The following AGAP1 variants were observed in gnomAD, a reference collection of about 807,000 sequenced individuals.
AGAP1 encodes ArfGAP with GTPase domain, ankyrin repeat and PH domain 1.
In AGAP1, 29 loss-of-function variants were observed where a neutral mutation model predicts 105.3. The ratio of observed to expected loss-of-function variants is 0.28; its 90% CI spans 0.21 to 0.38. The LOEUF is 0.38. Ranked by LOEUF, AGAP1 falls within the 10% of genes least tolerant of loss-of-function variation. AGAP1 has a pLI of 1.00. For missense variants in AGAP1, 998 were observed against 1,165.1 expected (o/e 0.86, Z 2.09); for synonymous variants, 509 against 485.9 (o/e 1.05, Z -0.63).
chr2:236,077,177 G>T (rs553296457), intron 16 of AGAP1, among the ~76,000 whole-genome samples: 1 of 144,506 alleles, frequency 6.9e-6, no homozygotes, highest in African/African-American at 2.6e-5. Context: ...TCCAACCCCC[G>T]AGAGATAATC....
chr2:235,756,889 C>G (rs1042445239), intron 6 of AGAP1, among the ~76,000 whole-genome samples: 2 of 150,698 alleles, frequency 1.3e-5, no homozygotes, highest in Admixed American at 6.6e-5. Context: ...AACCCCTGAT[C>G]CTCAGAAAAA....
In AGAP1 at chr2:235,623,543, T is replaced by G. The variant is rs1411091930; in HGVS notation, c.164-85636T>G. On this transcript the variant is annotated intron_variant, in intron 1 of 17. Transcript: ENST00000304032. The surrounding 1 kb of genome is among the most constrained non-coding windows in gnomAD (Gnocchi z 4.5). ...CACTTCTCTCTTCCTGTTCCTGTGC[T>G]GCTGGGCCTTCACAGCATGGTGCTC... 1.3e-5 allele frequency among the ~76,000 whole-genome samples: 2 copies of G among 152,190 alleles called. No homozygotes were observed. The highest frequency in any genetic ancestry group is 4.8e-5 in the African/African-American group (2 of 41,438).
chr2:236,009,164 C>T lies in AGAP1; in HGVS notation c.1646-27397C>T, dbSNP rs1202167042. ...CATAGTCGAAGAATCTTCTGGGTTG[C>T]ATCTTATGAAAAAAAGAAATCCACT... On this transcript the variant is annotated intron_variant, in intron 13 of 17. Coordinates refer to ENST00000304032, the MANE Select transcript of AGAP1 (RefSeq NM_001037131.3). This position sits in a 1 kb window ranked among gnomAD's most constrained non-coding sequence, Gnocchi z 4.2. 6.6e-6 allele frequency among the ~76,000 whole-genome samples: 1 copy of T among 152,162 alleles called. No individual in the cohort carries two copies. Among genetic ancestry groups the T allele is most frequent in the East Asian group, 1.9e-4 (1 of 5,202 alleles).
intron 1 of AGAP1, among the ~76,000 whole-genome samples, chr2:235,638,961 C>T (rs1020541309): frequency 1.3e-5 from 2 of 152,160 alleles, no homozygotes; most frequent in Non-Finnish European, 2.9e-5. Context: ...CCAAAAATGT[C>T]TTCAGGCAAT....
chr2:235,818,146 G>C (rs1310536980), intron 9 of AGAP1, among the ~76,000 whole-genome samples: 1 of 152,194 alleles, frequency 6.6e-6, no homozygotes, highest in African/African-American at 2.4e-5. Context: ...TGTGAGACTT[G>C]TAATAAGAAT....
chr2:235,714,710 C>T lies in AGAP1; in HGVS notation c.223-2847C>T, dbSNP rs1405759181. On this transcript the variant is annotated intron_variant, in intron 2 of 17. Transcript: ENST00000304032. This position sits in a 1 kb window ranked among gnomAD's most constrained non-coding sequence, Gnocchi z 4.1. The stretch of plus-strand genomic sequence containing the variant: ...GAGCCATCACTCAGACAGCAGACCA[C>T]GGTGGCCTGTAAATCACTGAGAACC... Among the ~76,000 whole-genome samples, 4 of 152,144 alleles carry T rather than the reference C, an allele frequency of 2.6e-5. No individual in the cohort carries two copies. Among genetic ancestry groups the T allele is most frequent in the Non-Finnish European group, 2.9e-5 (2 of 68,032 alleles).
intron 3 of AGAP1, chr2:235,718,473 C>T (rs1951227069): frequency 1.2e-6 from 1 of 838,820 alleles, no homozygotes; most frequent in Admixed American, 6.2e-5. Flanking sequence ...TGTAGCGTTC[C>T]CTTCCCTCCT....
At chr2:235,629,670 AC>A (rs1946760319) in intron 1 of AGAP1, among the ~76,000 whole-genome samples, 1 of 151,484 alleles carries the variant, frequency 6.6e-6, no homozygotes, top group Non-Finnish European at 1.5e-5. Flanking sequence ...AGAGTTTAAG[AC>A]CAGCCCTGGC....
At chr2:236,039,021 T>C (rs1690822143) in intron 14 of AGAP1, among the ~76,000 whole-genome samples, 1 of 152,210 alleles carries the variant, frequency 6.6e-6, no homozygotes, top group South Asian at 2.1e-4. Flanking sequence ...TCACATCAAT[T>C]TGATGAGATG....
intron 6 of AGAP1, among the ~76,000 whole-genome samples, chr2:235,785,737 C>A (rs1333585517): frequency 6.6e-6 from 1 of 152,054 alleles, no homozygotes; most frequent in African/African-American, 2.4e-5. Flanking sequence ...GTACCTTTTT[C>A]TCTTTGTATG....
At chr2:236,013,475 T>C (rs1035062205) in intron 13 of AGAP1, among the ~76,000 whole-genome samples, 2 of 152,000 alleles carry the variant, frequency 1.3e-5, no homozygotes, top group African/African-American at 4.8e-5. Context: ...CAGGAACACG[T>C]TGGGGTTGAT....
At chr2:235,954,915 C>T (rs955147452) in intron 12 of AGAP1, among the ~76,000 whole-genome samples, 1 of 152,098 alleles carries the variant, frequency 6.6e-6, no homozygotes, top group Non-Finnish European at 1.5e-5. Flanking sequence ...GTTGTCTAGC[C>T]CCACACCAAG....
chr2:235,530,680 C>CT (rs1943013591), intron 1 of AGAP1, among the ~76,000 whole-genome samples: 1 of 152,104 alleles, frequency 6.6e-6, no homozygotes, highest in South Asian at 2.1e-4. Flanking sequence ...CCTCTGCTTT[C>CT]TTTTTTCATT....
In AGAP1 at chr2:235,981,907, C is replaced by T. The variant is rs2055115980; in HGVS notation, c.1645+13284C>T. 6.6e-6 allele frequency among the ~76,000 whole-genome samples: 1 copy of T among 152,128 alleles called. No individual in the cohort carries two copies. The highest frequency in any genetic ancestry group is 1.5e-5 in the Non-Finnish European group (1 of 68,020). ...GCGCTTGTCTTTTCAGCGGTCTTGC[C>T]TCCGAATCTTGGCTTGTCTAGGATT... is the stretch of plus-strand genomic sequence containing the variant. On this transcript the variant is annotated intron_variant, in intron 13 of 17. Transcript: ENST00000304032. This position sits in a 1 kb window ranked among gnomAD's most constrained non-coding sequence, Gnocchi z 5.5.
At chr2:236,117,226 A>T (rs1281853034) in intron 16 of AGAP1, among the ~76,000 whole-genome samples, 2 of 152,226 alleles carry the variant, frequency 1.3e-5, no homozygotes, top group Non-Finnish European at 2.9e-5. Flanking sequence ...AGCAGCGTAG[A>T]AGTGTTCCCT....
At chr2:235,798,311 C>G (rs1957335254) in intron 7 of AGAP1, among the ~76,000 whole-genome samples, 1 of 152,176 alleles carries the variant, frequency 6.6e-6, no homozygotes, top group South Asian at 2.1e-4. Context: ...ATAGAAACTG[C>G]TATCTTTCCA....
Position 235,557,212 on chromosome 2 carries a change from G to T in AGAP1, c.163+62363G>T, listed in dbSNP as rs1164954407. ...ATGATCCTGGGAGGTGAAGCCCTGG[G>T]AACTGCCACTTGGAATGAGAGGGGA... is the stretch of plus-strand genomic sequence containing the variant. On this transcript the variant is annotated intron_variant, in intron 1 of 17. Transcript: ENST00000304032. This position sits in a 1 kb window ranked among gnomAD's most constrained non-coding sequence, Gnocchi z 4.7. 6.6e-6 allele frequency among the ~76,000 whole-genome samples: 1 copy of T among 152,058 alleles called. No individual in the cohort carries two copies. The highest frequency in any genetic ancestry group is 1.5e-5 in the Non-Finnish European group (1 of 68,000).
rs780368514 is a variant in AGAP1 at position 235,842,036 on chromosome 2, C to T, written c.1050+34705C>T. Among the ~76,000 whole-genome samples, 4 of 152,208 alleles carry T rather than the reference C, an allele frequency of 2.6e-5. No homozygotes were observed. Among genetic ancestry groups the T allele is most frequent in the Non-Finnish European group, 5.9e-5 (4 of 68,040 alleles). ...GACGCTGGGATACTAAGGTTTTCAC[C>T]TGCTGCTTCCTGCGGGATGTCGCTC... On this transcript the variant is annotated intron_variant, in intron 9 of 17. Coordinates refer to ENST00000304032, the MANE Select transcript of AGAP1 (RefSeq NM_001037131.3). The surrounding 1 kb of genome is among the most constrained non-coding windows in gnomAD (Gnocchi z 5.3).
At position 235,867,694 on chromosome 2, in the gene AGAP1, G is replaced by A. The variant is rs2049246541; in HGVS notation, c.1051-15651G>A. 6.6e-6 allele frequency among the ~76,000 whole-genome samples: 1 copy of A among 152,134 alleles called. No homozygotes were observed. Among genetic ancestry groups the A allele is most frequent in the Non-Finnish European group, 1.5e-5 (1 of 68,022 alleles). On this transcript the variant is annotated intron_variant, in intron 9 of 17. Coordinates refer to ENST00000304032, the MANE Select transcript of AGAP1 (RefSeq NM_001037131.3). The surrounding 1 kb of genome is among the most constrained non-coding windows in gnomAD (Gnocchi z 5.4). ...CAGGGTATAGCTTAGCATAATGAGA[G>A]GGCAAAAGCAAGATGACTAAGTGTT...
Sources: allele counts gnomAD v4.1 joint callset (sites outside exome capture counted in the v4.1 genomes callset), GRCh38; gene constraint gnomAD v4.1.1; non-coding constraint Gnocchi (gnomAD v3.1); transcripts MANE v1.5; gene names NCBI Gene and HGNC (gene_info 2026-07-23, HGNC 2026-07-21).